Variants in BAZ2B observed in about 807,000 individuals in gnomAD.
BAZ2B encodes bromodomain adjacent to zinc finger domain 2B.
Under a neutral mutation model 246.0 loss-of-function variants are expected in BAZ2B, and 91 were observed. The observed-to-expected ratio is 0.37, with a 90% CI of 0.31 to 0.44. The LOEUF (loss-of-function observed/expected upper bound fraction) is 0.44. BAZ2B is among the 20% of genes least tolerant of loss of function. The probability of loss-of-function intolerance (pLI) is 1.00; values close to 1 mark genes in which losing one functional copy is unlikely to be tolerated. For synonymous variants in BAZ2B, 855 were observed against 860.0 expected, an observed-to-expected ratio of 0.99 and a Z score of 0.10; for missense variants, 2,332 against 2,533.7, an observed-to-expected ratio of 0.92 and a Z score of 1.71.
the BAZ2B span, among the ~76,000 whole-genome samples, chr2:159,623,366 T>C: frequency 2.5e-3 from 373 of 151,706 alleles, 2 homozygotes; most frequent in African/African-American, 8.6e-3. Context: ...AGACCCTGTC[T>C]CAGAAAAAAA....
At chr2:159,567,793 G>A (rs1461085372) in intron 1 of BAZ2B, among the ~76,000 whole-genome samples, 3 of 152,074 alleles carry the variant, frequency 2.0e-5, no homozygotes, top group Admixed American at 2.0e-4. Flanking sequence ...CCAACATGGT[G>A]AAACCCCATC....
At chr2:159,414,827 A>G (rs2067400024) in intron 13 of BAZ2B, among the ~76,000 whole-genome samples, 1 of 151,774 alleles carries the variant, frequency 6.6e-6, no homozygotes, top group Non-Finnish European at 1.5e-5. Context: ...AAAAAAAAAA[A>G]AATATTCTCA....
chr2:159,486,538 G>A (rs1395391212), intron 2 of BAZ2B, among the ~76,000 whole-genome samples: 4 of 151,022 alleles, frequency 2.6e-5, no homozygotes, highest in Non-Finnish European at 5.9e-5. Flanking sequence ...AGAACAAAGT[G>A]GGGATAACAG....
chr2:159,428,465 A>G (rs1243043549), intron 11 of BAZ2B, 46 bp from the exon 12 acceptor site: 2 of 1,446,842 alleles, frequency 1.4e-6, no homozygotes, highest in Non-Finnish European at 1.9e-6. Context: ...AATTTCAAGA[A>G]AGCTTTTAAA....
chr2:159,623,475 T>C, the BAZ2B span, among the ~76,000 whole-genome samples: 11 of 152,210 alleles, frequency 7.2e-5, no homozygotes, highest in East Asian at 2.1e-3. Context: ...ACCTTGCTCA[T>C]AGTAAGAGAA....
At chr2:159,390,120 C>G (rs890120018) in intron 20 of BAZ2B, among the ~76,000 whole-genome samples, 1 of 152,056 alleles carries the variant, frequency 6.6e-6, no homozygotes, top group Non-Finnish European at 1.5e-5. Context: ...TCAAATATAG[C>G]TCTCATTTAT....
At chr2:159,450,541 A>G (rs1404732353) in intron 4 of BAZ2B, among the ~76,000 whole-genome samples, 1 of 152,182 alleles carries the variant, frequency 6.6e-6, no homozygotes, top group Non-Finnish European at 1.5e-5. Flanking sequence ...AACTTTACAA[A>G]TGTCTGATAC....
At chr2:159,350,408 T>C (rs1174541887) in intron 27 of BAZ2B, 51 bp from the exon 28 acceptor site, 20 of 1,373,730 alleles carry the variant, frequency 1.5e-5, no homozygotes, top group Non-Finnish European at 1.8e-5. Context: ...ATCAAACCAA[T>C]ACTGTAATTA....
In BAZ2B at chr2:159,349,232, T is replaced by C. The variant is rs768237242; in HGVS notation, c.4912A>G (p.Thr1638Ala). Reference protein sequence around the residue: ...MMGLQFCGWPTGVVTSNIPFT... With the variant: ...MMGLQFCGWPAGVVTSNIPFT... ...GGAATATTAGAAGTAACCACACCAG[T>C]GGGCCATCCACAAAACTGAAGTCCC... Residue 1638 changes from threonine to alanine, a missense_variant, in exon 29 of 37, where the codon ACT (threonine) becomes GCT (alanine). By Grantham distance (58) the Thr-to-Ala change is moderately conservative. Transcript: ENST00000392783. 37 of 1,613,844 alleles carry C rather than the reference T, an allele frequency of 2.3e-5. No homozygotes were observed. The highest frequency in any genetic ancestry group is 3.0e-5 in the Non-Finnish European group (35 of 1,179,900).
intron 4 of BAZ2B, among the ~76,000 whole-genome samples, chr2:159,450,741 C>A (rs1329636769): frequency 7.0e-6 from 1 of 143,486 alleles, no homozygotes; most frequent in Non-Finnish European, 1.5e-5. Flanking sequence ...ACATTTAACT[C>A]TTTTTTTTTT....
the BAZ2B span, among the ~76,000 whole-genome samples, chr2:159,674,716 T>TAAA: frequency 1.6e-5 from 2 of 124,738 alleles, no homozygotes; most frequent in South Asian, 5.0e-4. Context: ...AGCTCCGTCT[T>TAAA]AAAAAAAAAA....
chr2:159,543,686 C>T (rs1402929064), intron 2 of BAZ2B, among the ~76,000 whole-genome samples: 1 of 152,138 alleles, frequency 6.6e-6, no homozygotes, highest in Non-Finnish European at 1.5e-5. Flanking sequence ...CAGGCACACG[C>T]CACCACACCC....
chr2:159,513,172 C>A (rs539450820), intron 2 of BAZ2B, among the ~76,000 whole-genome samples: 1 of 152,286 alleles, frequency 6.6e-6, no homozygotes, highest in South Asian at 2.1e-4. Context: ...TAGTACAATT[C>A]ATGAAAACAG....
intron 6 of BAZ2B, among the ~76,000 whole-genome samples, chr2:159,446,356 T>C (rs2074250906): frequency 6.6e-6 from 1 of 152,238 alleles, no homozygotes; most frequent in African/African-American, 2.4e-5. Flanking sequence ...ATGGTCATTC[T>C]GTCTACTTTG....
At chr2:159,615,733 G>A (rs1559913443) in intron 1 of BAZ2B, 2 of 152,314 alleles carry the variant, frequency 1.3e-5, no homozygotes, top group Non-Finnish European at 2.9e-5. Context: ...CGCTGACAGA[G>A]GTTGTTTTTT....
chr2:159,351,974 T>C (rs1019558837), intron 27 of BAZ2B, among the ~76,000 whole-genome samples: 1 of 152,204 alleles, frequency 6.6e-6, no homozygotes, highest in Admixed American at 6.5e-5. Context: ...AAATAGTATA[T>C]ACGTTATCTA....
chr2:159,387,171 T>A (rs1353863283), intron 21 of BAZ2B, among the ~76,000 whole-genome samples: 21 of 152,106 alleles, frequency 1.4e-4, no homozygotes, highest in Admixed American at 1.4e-3. Flanking sequence ...TCCACATAAC[T>A]AGAATCCATG....
chr2:159,698,593 T>C, the BAZ2B span, among the ~76,000 whole-genome samples: 5 of 151,582 alleles, frequency 3.3e-5, no homozygotes, highest in African/African-American at 9.7e-5. Context: ...TTATATAGTA[T>C]TGAAAACTGC....
At chr2:159,620,132 G>A (rs970476377), upstream of BAZ2B, among the ~76,000 whole-genome samples, 4 of 152,200 alleles carry the variant, frequency 2.6e-5, no homozygotes, top group African/African-American at 9.6e-5. Context: ...TAGATATAGA[G>A]TTGGATGGCT....
Sources: gnomAD v4.1 joint callset for allele counts (sites outside exome capture counted in the v4.1 genomes callset) on GRCh38, gnomAD v4.1.1 for gene constraint, MANE v1.5 for transcripts, NCBI Gene and HGNC (gene_info 2026-07-23, HGNC 2026-07-21) for gene names.